Variants in AQP7B observed in about 807,000 individuals in gnomAD.
The protein encoded by AQP7B is putative aquaporin-7B.
the AQP7B span, among the ~76,000 whole-genome samples, chr2:94,596,869 T>G: frequency 6.6e-6 from 1 of 152,124 alleles, no homozygotes; most frequent in Non-Finnish European, 1.5e-5. Flanking sequence ...TCAGCTAATT[T>G]TTCTATTTTT....
the AQP7B span, among the ~76,000 whole-genome samples, chr2:94,589,378 A>C: frequency 6.6e-6 from 1 of 151,916 alleles, no homozygotes; most frequent in Admixed American, 6.6e-5. Context: ...TCCATCTGAG[A>C]GGCTTTCTGC....
chr2:94,592,077 C>A, the AQP7B span, among the ~76,000 whole-genome samples: 1 of 152,150 alleles, frequency 6.6e-6, no homozygotes, highest in Non-Finnish European at 1.5e-5. Context: ...GTCTTGCCTG[C>A]TGTGTGGTGA....
the AQP7B span, among the ~76,000 whole-genome samples, chr2:94,600,110 T>A: frequency 6.6e-6 from 1 of 151,994 alleles, no homozygotes; most frequent in Non-Finnish European, 1.5e-5. Flanking sequence ...CCTAAAGTGA[T>A]CCATCCACCT....
the AQP7B span, among the ~76,000 whole-genome samples, chr2:94,599,549 C>A: frequency 2.0e-5 from 3 of 152,192 alleles, no homozygotes; most frequent in Admixed American, 6.5e-5. Flanking sequence ...GCCACCAGAC[C>A]CATTAACCAC....
the AQP7B span, chr2:94,604,587 G>A: frequency 6.4e-7 from 1 of 1,557,226 alleles, no homozygotes; most frequent in Non-Finnish European, 8.7e-7. Flanking sequence ...GAGATTATTT[G>A]TGATCCCATC....
chr2:94,591,233 C>A, the AQP7B span, among the ~76,000 whole-genome samples: 2 of 152,104 alleles, frequency 1.3e-5, no homozygotes, highest in African/African-American at 4.8e-5. Flanking sequence ...CCATCCCACC[C>A]AAGTGTCTAG....
At chr2:94,596,320 C>T in the AQP7B span, among the ~76,000 whole-genome samples, 3 of 152,216 alleles carry the variant, frequency 2.0e-5, no homozygotes, top group African/African-American at 7.2e-5. Context: ...AGCCTCTGCC[C>T]TTAACATGAC....
the AQP7B span, among the ~76,000 whole-genome samples, chr2:94,593,259 A>G: frequency 5.3e-5 from 8 of 151,850 alleles, no homozygotes; most frequent in East Asian, 2.0e-4. Context: ...TTAGGTCAAG[A>G]AAAGAAGGCT....
At chr2:94,594,102 C>G in the AQP7B span, among the ~76,000 whole-genome samples, 1 of 152,132 alleles carries the variant, frequency 6.6e-6, no homozygotes, top group Non-Finnish European at 1.5e-5. Context: ...TTTCTCCCTC[C>G]CTCTCTCTTG....
At chr2:94,599,665 ACTCTGTCCTTTTT>A in the AQP7B span, among the ~76,000 whole-genome samples, 7 of 150,980 alleles carry the variant, frequency 4.6e-5, no homozygotes, top group Non-Finnish European at 8.9e-5. Flanking sequence ...CAGGTACTTT[ACTCTGTCCTTTTT>A]CTCTGTCCTT....
the AQP7B span, chr2:94,604,231 T>C: frequency 5.3e-6 from 8 of 1,495,592 alleles, no homozygotes; most frequent in Non-Finnish European, 5.4e-6. Context: ...CCAAGGTGGA[T>C]GAGGGTGCTG....
the AQP7B span, chr2:94,604,556 G>A: frequency 2.5e-6 from 4 of 1,601,278 alleles, no homozygotes; most frequent in Non-Finnish European, 3.4e-6. Context: ...TGAATCCATG[G>A]CCCTAGAGCA....
the AQP7B span, among the ~76,000 whole-genome samples, chr2:94,594,323 C>T: frequency 1.3e-5 from 2 of 152,306 alleles, no homozygotes; most frequent in East Asian, 3.9e-4. Context: ...GGCCTGTGAC[C>T]CCAAAGTTCT....
the AQP7B span, among the ~76,000 whole-genome samples, chr2:94,596,441 GTGACAGAGGC>G: frequency 6.6e-6 from 1 of 152,216 alleles, no homozygotes; most frequent in African/African-American, 2.4e-5. Context: ...GGAAGGTGGG[GTGACAGAGGC>G]TGTTTGTGTG....
the AQP7B span, among the ~76,000 whole-genome samples, chr2:94,602,213 G>A: frequency 6.6e-6 from 1 of 151,944 alleles, no homozygotes; most frequent in African/African-American, 2.4e-5. Flanking sequence ...ACTTCAGGTG[G>A]GCCTGGGGCT....
At chr2:94,589,890 C>T in the AQP7B span, among the ~76,000 whole-genome samples, 1 of 152,148 alleles carries the variant, frequency 6.6e-6, no homozygotes. Context: ...TCCCCCATGC[C>T]TCACATCCAG....
chr2:94,591,060 G>A, the AQP7B span, among the ~76,000 whole-genome samples: 2 of 151,978 alleles, frequency 1.3e-5, no homozygotes, highest in African/African-American at 4.8e-5. Context: ...TTGGCTGTCA[G>A]TTTCTTGCTT....
the AQP7B span, chr2:94,602,430 G>T: frequency 2.6e-6 from 4 of 1,523,886 alleles, no homozygotes; most frequent in African/African-American, 1.4e-5. Context: ...ACTGAGCTCT[G>T]AGCCCTCCTC....
At chr2:94,592,800 T>TAATTAATTA in the AQP7B span, among the ~76,000 whole-genome samples, 1 of 150,204 alleles carries the variant, frequency 6.7e-6, no homozygotes, top group Non-Finnish European at 1.5e-5. Context: ...GAAAAACTGT[T>TAATTAATTA]AATTAATTAA....
Sources: allele counts gnomAD v4.1 joint callset (sites outside exome capture counted in the v4.1 genomes callset), GRCh38; gene constraint gnomAD v4.1.1; transcripts MANE v1.5; gene names NCBI Gene and HGNC (gene_info 2026-07-23, HGNC 2026-07-21).